Variants in DSG3 observed in about 807,000 individuals in gnomAD.
DSG3 encodes the protein desmoglein-3.
Under a neutral mutation model 85.9 loss-of-function variants are expected in DSG3, and 63 were observed. That is an observed-to-expected ratio of 0.73 (90% CI 0.60 to 0.90). The LOEUF is 0.90. Ranked by LOEUF, DSG3 falls within the 40% of genes least tolerant of loss-of-function variation. The pLI, the probability that DSG3 is intolerant of heterozygous loss-of-function variation, is 0.00. For missense variants in DSG3, 1,220 were observed against 1,219.9 expected (o/e 1.00, Z 0.00); for synonymous variants, 447 against 441.9 (o/e 1.01, Z -0.14).
At chr18:31,457,631 TCTTTC>T (rs2072756946) in intron 3 of DSG3, among the ~76,000 whole-genome samples, 1 of 136,696 alleles carries the variant, frequency 7.3e-6, no homozygotes, top group Non-Finnish European at 1.6e-5. Flanking sequence ...TTTCTTTCTT[TCTTTC>T]TTTCTTTTTC....
rs141811164 is a variant in DSG3 at position 31,469,114 on chromosome 18, G to A, written c.1662G>A (p.Gln554=). Residue 554 remains glutamine (Q), a synonymous_variant, in exon 12 of 16, where the codon CAG becomes CAA. Coordinates refer to ENST00000257189, the MANE Select transcript of DSG3 (RefSeq NM_001944.3). ...CTACCTCGGCCCTCCTCAGAGCCCA[G>A]GAACAGATACCTCCTGGAGTATACC... ...LNATSALLRA[Q]EQIPPGVYHI... 215 of 1,614,142 alleles carry A rather than the reference G, an allele frequency of 1.3e-4. No homozygotes were observed. The African/African-American group carries it at 2.4e-3, about 18-fold the overall frequency.
At chr18:31,453,997 A>G (rs1316151070) in intron 1 of DSG3, among the ~76,000 whole-genome samples, 6 of 152,194 alleles carry the variant, frequency 3.9e-5, no homozygotes, top group African/African-American at 1.4e-4. Context: ...AATTAACTAA[A>G]ACAAGTAGCC....
rs779199591 is a variant in DSG3, at chr18:31,475,710, A to G, written c.2450A>G (p.Asp817Gly). The change falls in exon 16 of 16, where the codon GAT becomes GGT. Residue 817 changes from aspartate (D) to glycine (G), a missense_variant. Transcript: ENST00000257189. ...QEANDCLLIY[D>G]NEGADATGSP... ...GCAAATGACTGCTTGTTGATCTATG[A>G]TAATGAAGGCGCAGATGCCACTGGT... The G allele has an allele frequency of 6.2e-6, 10 of 1,614,074 alleles. No individual in the cohort carries two copies. In the East Asian group the frequency reaches 2.2e-4, roughly 36 times the overall value.
Position 31,477,795 on chromosome 18 carries a change from A to G in DSG3, c.*1535A>G, listed in dbSNP as rs2072898234. On this transcript the variant is annotated 3_prime_UTR_variant, in exon 16 of 16. Coordinates refer to ENST00000257189, the MANE Select transcript of DSG3 (RefSeq NM_001944.3). The stretch of plus-strand genomic sequence containing the variant: ...AGAAAGCACCCTACCTCACCTGCTT[A>G]CTGACATTGTCTTAGCTGATCACAA... 6.6e-6 allele frequency: 1 copy of G among 152,238 alleles called. No individual in the cohort carries two copies. Among genetic ancestry groups the G allele is most frequent in the Non-Finnish European group, 1.5e-5 (1 of 68,050 alleles). 9.4% of individuals were successfully genotyped at this position (152,238 alleles called of 1,614,324 possible).
intron 5 of DSG3, 62 bp from the exon 6 acceptor site, chr18:31,459,783 T>G: frequency 6.9e-7 from 1 of 1,453,480 alleles, no homozygotes; most frequent in South Asian, 1.4e-5. Context: ...TTTGGAATAT[T>G]TAAAGTAAAC....
chr18:31,470,435 C>A (rs1024654672), intron 12 of DSG3, among the ~76,000 whole-genome samples: 18 of 152,170 alleles, frequency 1.2e-4, no homozygotes, highest in Non-Finnish European at 2.6e-4. Flanking sequence ...CTTCCTTATT[C>A]TCCAAAAGCA....
At chr18:31,470,021 T>C (rs889188889) in intron 12 of DSG3, among the ~76,000 whole-genome samples, 67 of 152,228 alleles carry the variant, frequency 4.4e-4, no homozygotes, top group African/African-American at 1.6e-3. Flanking sequence ...TAGAAAACTA[T>C]GCGTAAGTAT....
Position 31,462,270 on chromosome 18 carries a change from C to T in DSG3, c.999+858C>T, listed in dbSNP as rs183298788. ...TAGTTTTAGTAGAAATAAGGTTTCA[C>T]CATATTGACCAGGCTGGTCTCGAAC... On this transcript the variant is annotated intron_variant, in intron 8 of 15. Transcript: ENST00000257189. Among the ~76,000 whole-genome samples, 85 of 152,252 alleles carry T rather than the reference C, an allele frequency of 5.6e-4. No individual in the cohort carries two copies. The East Asian group carries it at 0.011, about 20-fold the overall frequency.
chr18:31,463,695 C>T (rs887526169), intron 8 of DSG3, among the ~76,000 whole-genome samples: 3 of 152,100 alleles, frequency 2.0e-5, no homozygotes, highest in African/African-American at 7.2e-5. Flanking sequence ...TTTGTTCAGT[C>T]CTCACTACAC....
intron 8 of DSG3, among the ~76,000 whole-genome samples, chr18:31,463,668 C>T (rs182039234): frequency 1.4e-4 from 21 of 152,214 alleles, no homozygotes; most frequent in Middle Eastern, 3.4e-3. Flanking sequence ...GTTATAAGAA[C>T]GTATTAGGGG....
At chr18:31,460,727 T>C in intron 6 of DSG3, 106 bp from the exon 7 acceptor site, 1 of 1,046,486 alleles carries the variant, frequency 9.6e-7, no homozygotes, top group Non-Finnish European at 1.3e-6. Flanking sequence ...AAATGTCTTC[T>C]ACATAAAATT....
rs988494258 is a variant in DSG3 at position 31,477,141 on chromosome 18, A to G, written c.*881A>G. 6.6e-5 allele frequency: 10 copies of G among 152,200 alleles called. No individual in the cohort carries two copies. Among genetic ancestry groups the G allele is most frequent in the African/African-American group, 2.2e-4 (9 of 41,434 alleles). The allele number at this position is 152,200 out of a possible 1,614,324, so 9.4% of individuals were successfully genotyped here. A position where few individuals can be genotyped will look rare whatever the true frequency, so the allele number is the denominator to read the frequency against. On this transcript the variant is annotated 3_prime_UTR_variant, in exon 16 of 16. Coordinates refer to ENST00000257189, the MANE Select transcript of DSG3 (RefSeq NM_001944.3). ...CTTATGTGTTGAATTTGCTACATCT[A>G]TATTTCACATATTCTCACAATAAGA...
In DSG3 at chr18:31,464,231, G is replaced by T. The variant is rs369572434; in HGVS notation, c.1120G>T (p.Val374Leu). The change falls in exon 9 of 16, where the codon GTA becomes TTA. Residue 374 changes from valine to leucine, a missense_variant. Val to Leu is a conservative substitution (Grantham distance 32). Transcript: ENST00000257189. ...RVQSTPVTIQ[V>L]INVREGIAFR... is the part of the protein sequence containing the mutation. ...TCAGTCAACCCCAGTCACAATTCAG[G>T]TAATAAATGTAAGAGAAGGAATTGC... 1.2e-5 allele frequency: 20 copies of T among 1,613,964 alleles called. No individual in the cohort carries two copies. In the African/African-American group the frequency reaches 2.5e-4, roughly 20 times the overall value.
At position 31,459,945 on chromosome 18, in the gene DSG3, A is replaced by G. The variant is rs1466366898; in HGVS notation, c.618A>G (p.Thr206=). 1.9e-6 allele frequency: 3 copies of G among 1,613,960 alleles called. No homozygotes were observed. Among genetic ancestry groups the G allele is most frequent in the Non-Finnish European group, 2.5e-6 (3 of 1,179,988 alleles). Residue 206 remains threonine (T), a synonymous_variant, in exon 6 of 16, where the codon ACA becomes ACG. Coordinates refer to ENST00000257189, the MANE Select transcript of DSG3 (RefSeq NM_001944.3). ...FKIVSQEPAG[T]PMFLLSRNTG... is the part of the protein sequence containing the mutation. Reference sequence around the variant, plus strand: ...TTGTCTCTCAGGAACCAGCAGGCACACCCATGTTCCTCCTAAGCAGAAACA... The same window carrying G: ...TTGTCTCTCAGGAACCAGCAGGCACGCCCATGTTCCTCCTAAGCAGAAACA...
chr18:31,454,479 C>T (rs1393135256), intron 1 of DSG3, among the ~76,000 whole-genome samples: 1 of 152,162 alleles, frequency 6.6e-6, no homozygotes, highest in Non-Finnish European at 1.5e-5. Context: ...AAGGTTTCAG[C>T]TGGAATGTCT....
chr18:31,467,505 A>C (rs1598783944), intron 11 of DSG3, among the ~76,000 whole-genome samples: 1 of 152,254 alleles, frequency 6.6e-6, no homozygotes, highest in East Asian at 1.9e-4. Flanking sequence ...ATCACTAGTC[A>C]GGAACATTGA....
rs2072903657 is a variant in DSG3 at position 31,478,626 on chromosome 18, A to T, written c.*2366A>T. The stretch of plus-strand genomic sequence containing the variant: ...ACTACTTGATGTATTATACATTTTG[A>T]ACCATATGTATTAAACCATAAACAG... On this transcript the variant is annotated 3_prime_UTR_variant, in exon 16 of 16. Transcript: ENST00000257189. 6.6e-6 allele frequency: 1 copy of T among 152,238 alleles called. No individual in the cohort carries two copies. The highest frequency in any genetic ancestry group is 2.1e-4 in the South Asian group (1 of 4,834). 9.4% of individuals were successfully genotyped at this position (152,238 alleles called of 1,614,324 possible). A position where few individuals can be genotyped will look rare whatever the true frequency, so the allele number is the denominator to read the frequency against.
rs1340262037 is a variant in DSG3 at position 31,472,382 on chromosome 18, A to G, written c.1996A>G (p.Ile666Val). The change falls in exon 13 of 16, where the codon ATT becomes GTT. Residue 666 changes from isoleucine to valine, a missense_variant. Coordinates refer to ENST00000257189, the MANE Select transcript of DSG3 (RefSeq NM_001944.3). The part of the protein sequence containing the change: ...IPVPDGSEGT[I>V]HQWGIEGAHP... ...AGTTCCTGATGGCTCAGAAGGAACA[A>G]TTCATCAGTGGGGAATTGAAGGAGC... 17 of 1,614,152 alleles carry G rather than the reference A, an allele frequency of 1.1e-5. No individual in the cohort carries two copies. The highest frequency in any genetic ancestry group is 1.3e-5 in the African/African-American group (1 of 75,058).
Position 31,475,367 on chromosome 18 carries a change from T to C in DSG3, c.2386-279T>C, listed in dbSNP as rs183845862. Among the ~76,000 whole-genome samples, 305 of 152,220 alleles carry C rather than the reference T, an allele frequency of 2.0e-3. 4 individuals carry two copies. The highest frequency in any genetic ancestry group is 0.019 in the Admixed American group (283 of 15,284). ...GTTTGAGATGAGGACTCTTGGGATA[T>C]TTCTAGGTGGGATGTGTGTTACAGT... is the stretch of plus-strand genomic sequence containing the variant. On this transcript the variant is annotated intron_variant, in intron 15 of 15. Transcript: ENST00000257189.
Sources: allele counts gnomAD v4.1 joint callset (sites outside exome capture counted in the v4.1 genomes callset), GRCh38; gene constraint gnomAD v4.1.1; transcripts MANE v1.5; gene names NCBI Gene and HGNC (gene_info 2026-07-23, HGNC 2026-07-21).